NCAPD3: variants seen among roughly 807,000 people sequenced by gnomAD.
NCAPD3 encodes non-SMC condensin II complex subunit D3.
NCAPD3 carries 105 observed loss-of-function variants against 182.9 expected under a neutral mutation model. The ratio of observed to expected loss-of-function variants is 0.57; its 90% CI spans 0.49 to 0.68. The LOEUF (loss-of-function observed/expected upper bound fraction) is 0.68, where lower values mean the gene tolerates loss of function less well. Among genes scored for constraint, NCAPD3 ranks in the 30% least tolerant of loss-of-function variants. NCAPD3 has a pLI of 0.00. For synonymous variants in NCAPD3, 815 were observed against 679.9 expected, an observed-to-expected ratio of 1.20 and a Z score of -3.09; for missense variants, 1,944 against 1,837.0, an observed-to-expected ratio of 1.06 and a Z score of -1.07.
chr11:134,168,536 A>G lies in NCAPD3; in HGVS notation c.3306T>C (p.Phe1102=), dbSNP rs371658223. The change falls in exon 26 of 35, where the codon TTT becomes TTC. Residue 1102 remains phenylalanine (F), a synonymous_variant. Transcript: ENST00000534548. ...NKERRMKIYK[F]LLEHFTDEQR... ...GTTCATCTGTGAAGTGCTCTAGAAG[A>G]AATTTGTAGATTTTCATTCGTCTCT... 1.2e-5 allele frequency: 20 copies of G among 1,614,032 alleles called. No homozygotes were observed. Among genetic ancestry groups the G allele is most frequent in the Non-Finnish European group, 1.6e-5 (19 of 1,180,032 alleles).
chr11:134,210,497 T>C, intron 3 of NCAPD3, 43 bp from the exon 4 acceptor site: 1 of 1,521,600 alleles, frequency 6.6e-7, no homozygotes, highest in Non-Finnish European at 9.1e-7. Flanking sequence ...GATTTAATTG[T>C]CTTGAAATAT....
At chr11:134,183,422 G>C (rs1255707666) in intron 19 of NCAPD3, among the ~76,000 whole-genome samples, 3 of 152,074 alleles carry the variant, frequency 2.0e-5, no homozygotes, top group Non-Finnish European at 4.4e-5. Context: ...ACAAAAATTA[G>C]CTGGGCCTGA....
chr11:134,198,423 T>G (rs1944681412), intron 13 of NCAPD3, among the ~76,000 whole-genome samples: 1 of 152,106 alleles, frequency 6.6e-6, no homozygotes, highest in Non-Finnish European at 1.5e-5. Flanking sequence ...AACCAATGTA[T>G]CTATTAAACG....
chr11:134,224,019 G>C, upstream of NCAPD3: 2 of 1,473,434 alleles, frequency 1.4e-6, no homozygotes, highest in Admixed American at 3.9e-5. Flanking sequence ...CAATCACAAC[G>C]TACAGAATTT....
At chr11:134,156,752 C>G (rs1460571301) in intron 32 of NCAPD3, 24 of 315,784 alleles carry the variant, frequency 7.6e-5, no homozygotes. Flanking sequence ...CCCAACCTAC[C>G]TGTGCCTCAA....
In NCAPD3 at chr11:134,153,024, G is replaced by A. The variant is rs774664034; in HGVS notation, c.4417C>T (p.Arg1473Trp). Reference protein sequence around the residue: ...PPPQPQQWNVRSPARNKDTPA... With the variant: ...PPPQPQQWNVWSPARNKDTPA... ...GTGTCTTTATTCCTGGCGGGAGACC[G>A]CACATTCCACTGCTGAGGCTGTGGG... Residue 1473 changes from arginine to tryptophan, a missense_variant, in exon 35 of 35, where the codon CGG becomes TGG. Arg to Trp is a moderately radical substitution (Grantham distance 101, BLOSUM62 -3). Transcript: ENST00000534548. 1.8e-5 allele frequency: 29 copies of A among 1,596,186 alleles called. No homozygotes were observed. Among genetic ancestry groups the A allele is most frequent in the African/African-American group, 4.0e-5 (3 of 74,368 alleles).
At chr11:134,206,525 C>T in intron 8 of NCAPD3, 74 bp downstream of exon 8, 2 of 1,565,488 alleles carry the variant, frequency 1.3e-6, no homozygotes, top group Non-Finnish European at 1.7e-6. Flanking sequence ...CTACATGTAT[C>T]AGAAATCTTA....
chr11:134,180,328 T>C (rs1280481756), intron 20 of NCAPD3, among the ~76,000 whole-genome samples: 2 of 152,138 alleles, frequency 1.3e-5, no homozygotes, highest in African/African-American at 4.8e-5. Flanking sequence ...AGAAAAGACG[T>C]GCTCCACTAA....
chr11:134,167,846 G>T, intron 27 of NCAPD3, 150 bp downstream of exon 27: 1 of 760,566 alleles, frequency 1.3e-6, no homozygotes. Flanking sequence ...AGATGAGCTT[G>T]GGGGAGCAGC....
intron 32 of NCAPD3, 96 bp downstream of exon 32, chr11:134,156,922 C>A: frequency 9.1e-7 from 1 of 1,096,060 alleles, no homozygotes; most frequent in East Asian, 2.4e-5. Flanking sequence ...TCAGAACTAT[C>A]CTGCACCGGA....
chr11:134,156,363 T>C (rs1943419108), intron 32 of NCAPD3, among the ~76,000 whole-genome samples: 3 of 152,188 alleles, frequency 2.0e-5, no homozygotes. Context: ...GCCTAGCCAC[T>C]ACTCCACAGA....
chr11:134,165,663 CAG>C (rs1287246251), intron 27 of NCAPD3, among the ~76,000 whole-genome samples: 9 of 113,154 alleles, frequency 8.0e-5, no homozygotes, highest in Admixed American at 4.4e-4. Flanking sequence ...GAGATGAGCT[CAG>C]GGGAGCAGCA....
Position 134,203,134 on chromosome 11 carries a change from T to A in NCAPD3, c.1525+8A>T, listed in dbSNP as rs1419149568. The A allele has an allele frequency of 1.3e-6, 2 of 1,564,394 alleles. No individual in the cohort carries two copies. The highest frequency in any genetic ancestry group is 1.8e-6 in the Non-Finnish European group (2 of 1,136,106). On this transcript the variant is annotated splice_region_variant and intron_variant, in intron 12 of 34. Transcript: ENST00000534548. ...CATTCAATATTTGAAAATGTATTGA[T>A]CCATTACCTGATGAATTTCTCAGTA...
At chr11:134,165,958 G>C (rs1233882121) in intron 27 of NCAPD3, among the ~76,000 whole-genome samples, 1 of 123,802 alleles carries the variant, frequency 8.1e-6, no homozygotes, top group Non-Finnish European at 1.7e-5. Context: ...AGATGAGCTT[G>C]GGGGAGGGGC....
At chr11:134,212,535 C>T (rs1937877254) in intron 3 of NCAPD3, among the ~76,000 whole-genome samples, 1 of 151,990 alleles carries the variant, frequency 6.6e-6, no homozygotes, top group Non-Finnish European at 1.5e-5. Context: ...GCATGCGTTA[C>T]CACATTGGGC....
intron 27 of NCAPD3, among the ~76,000 whole-genome samples, chr11:134,165,621 G>C (rs889922306): frequency 7.5e-6 from 1 of 133,110 alleles, no homozygotes; most frequent in African/African-American, 2.9e-5. Context: ...GCGCACACTC[G>C]TGAGATGAGC....
chr11:134,166,820 CACTT>C (rs1460093858), intron 27 of NCAPD3, among the ~76,000 whole-genome samples: 18 of 112,608 alleles, frequency 1.6e-4, no homozygotes, highest in African/African-American at 4.6e-4. Flanking sequence ...GCTGCACACT[CACTT>C]GTGAGATGAG....
At chr11:134,189,057 A>T (rs1291598461) in intron 16 of NCAPD3, among the ~76,000 whole-genome samples, 1 of 152,178 alleles carries the variant, frequency 6.6e-6, no homozygotes, top group Non-Finnish European at 1.5e-5. Context: ...AATTAATACA[A>T]AGAGCTGTAT....
upstream of NCAPD3, chr11:134,224,943 C>A: frequency 3.0e-6 from 1 of 329,004 alleles, no homozygotes; most frequent in South Asian, 1.3e-4. Context: ...CCGTGCCCCT[C>A]CCCCGTGGAG....
Sources: gnomAD v4.1 joint callset for allele counts (sites outside exome capture counted in the v4.1 genomes callset) on GRCh38, gnomAD v4.1.1 for gene constraint, MANE v1.5 for transcripts, NCBI Gene and HGNC (gene_info 2026-07-23, HGNC 2026-07-21) for gene names.